LHFPL6: variants seen among roughly 807,000 people sequenced by gnomAD.
LHFPL6 encodes LHFPL tetraspan subfamily member 6 protein.
Under a neutral mutation model 20.6 loss-of-function variants are expected in LHFPL6, and 9 were observed. That is an observed-to-expected ratio of 0.44 (90% CI 0.26 to 0.76). LHFPL6 has a LOEUF of 0.76. Ranked by LOEUF, LHFPL6 falls within the 30% of genes least tolerant of loss-of-function variation. LHFPL6 has a pLI of 0.20. For synonymous variants in LHFPL6, 105 were observed against 98.7 expected, an observed-to-expected ratio of 1.06 and a Z score of -0.38; for missense variants, 218 against 253.5, an observed-to-expected ratio of 0.86 and a Z score of 0.95.
intron 3 of LHFPL6, among the ~76,000 whole-genome samples, chr13:39,366,705 C>A (rs1040162804): frequency 6.6e-6 from 1 of 152,176 alleles, no homozygotes. Context: ...CAGCAGGCAG[C>A]ATGAGCTCCA....
intron 2 of LHFPL6, among the ~76,000 whole-genome samples, chr13:39,532,364 T>C (rs1870493237): frequency 6.6e-6 from 1 of 152,196 alleles, no homozygotes; most frequent in African/African-American, 2.4e-5. Context: ...AACACCAACT[T>C]TTTGACTTAT....
intron 2 of LHFPL6, among the ~76,000 whole-genome samples, chr13:39,545,372 G>T (rs758674353): frequency 4.0e-5 from 6 of 151,408 alleles, no homozygotes; most frequent in Non-Finnish European, 7.4e-5. Flanking sequence ...ATACCATATT[G>T]TGTCCATTCC....
intron 2 of LHFPL6, among the ~76,000 whole-genome samples, chr13:39,481,392 T>C (rs9603547): frequency 0.068 from 10,380 of 152,212 alleles, 543 homozygotes; most frequent in East Asian, 0.19. Context: ...TCTAAATTAA[T>C]AAGATATAAT....
intron 2 of LHFPL6, among the ~76,000 whole-genome samples, chr13:39,541,467 A>T (rs141417423): frequency 9.5e-4 from 145 of 152,286 alleles, no homozygotes; most frequent in African/African-American, 3.0e-3. Flanking sequence ...AACCTGGTGC[A>T]GGGATTGTTC....
At chr13:39,368,078 C>T (rs953598931) in intron 3 of LHFPL6, among the ~76,000 whole-genome samples, 1 of 152,206 alleles carries the variant, frequency 6.6e-6, no homozygotes, top group Non-Finnish European at 1.5e-5. Context: ...GTAACCCCAG[C>T]ACTTTGGGAG....
chr13:39,413,045 A>G (rs772801632), intron 2 of LHFPL6, among the ~76,000 whole-genome samples: 1 of 152,254 alleles, frequency 6.6e-6, no homozygotes, highest in Non-Finnish European at 1.5e-5. Flanking sequence ...ATATCACAGT[A>G]GATTCAAAGA....
intron 3 of LHFPL6, among the ~76,000 whole-genome samples, chr13:39,347,768 T>A (rs563476102): frequency 6.6e-6 from 1 of 152,306 alleles, no homozygotes; most frequent in African/African-American, 2.4e-5. Context: ...TGAGGGGGAA[T>A]TAATTAATAG....
intron 2 of LHFPL6, among the ~76,000 whole-genome samples, chr13:39,545,105 G>T (rs779097046): frequency 6.6e-6 from 1 of 151,816 alleles, no homozygotes; most frequent in Non-Finnish European, 1.5e-5. Flanking sequence ...AATTAGCTGG[G>T]CGTGGGGACG....
At chr13:39,553,548 C>A (rs1365842018) in intron 2 of LHFPL6, among the ~76,000 whole-genome samples, 1 of 150,968 alleles carries the variant, frequency 6.6e-6, no homozygotes, top group Non-Finnish European at 1.5e-5. Flanking sequence ...TTCATCTCTA[C>A]AAAAAAAAAT....
intron 2 of LHFPL6, among the ~76,000 whole-genome samples, chr13:39,499,583 C>T (rs1352575473): frequency 6.6e-6 from 1 of 152,186 alleles, no homozygotes; most frequent in Admixed American, 6.5e-5. Flanking sequence ...TCAGGAGAGA[C>T]GTGAACCTGG....
At chr13:39,439,894 T>C (rs1872068492) in intron 2 of LHFPL6, among the ~76,000 whole-genome samples, 1 of 152,144 alleles carries the variant, frequency 6.6e-6, no homozygotes, top group African/African-American at 2.4e-5. Context: ...GAACTGTGAG[T>C]CAACTAAACC....
At chr13:39,541,544 A>G (rs1870798698) in intron 2 of LHFPL6, among the ~76,000 whole-genome samples, 1 of 152,112 alleles carries the variant, frequency 6.6e-6, no homozygotes, top group South Asian at 2.1e-4. Flanking sequence ...AAATCTTATT[A>G]TCCTTCAGGA....
chr13:39,467,350 T>C (rs1370474303), intron 2 of LHFPL6, among the ~76,000 whole-genome samples: 1 of 152,162 alleles, frequency 6.6e-6, no homozygotes, highest in Non-Finnish European at 1.5e-5. Flanking sequence ...CCCAACTATT[T>C]TCAACATTCA....
chr13:39,349,410 A>G (rs1324064320), intron 3 of LHFPL6, among the ~76,000 whole-genome samples: 2 of 152,054 alleles, frequency 1.3e-5, no homozygotes, highest in Non-Finnish European at 2.9e-5. Context: ...CTGTCATCCA[A>G]CCCTGATTCT....
intron 2 of LHFPL6, among the ~76,000 whole-genome samples, chr13:39,433,804 A>C (rs1871879122): frequency 2.0e-5 from 3 of 152,304 alleles, no homozygotes; most frequent in Middle Eastern, 3.4e-3. Flanking sequence ...ATTCCTATCC[A>C]TCCCACCCTG....
intron 2 of LHFPL6, among the ~76,000 whole-genome samples, chr13:39,536,834 G>T (rs1457629766): frequency 6.6e-6 from 1 of 152,158 alleles, no homozygotes; most frequent in Non-Finnish European, 1.5e-5. Context: ...AAGACCTCAA[G>T]GGCAAATAAT....
At chr13:39,515,259 C>T (rs933127682) in intron 2 of LHFPL6, among the ~76,000 whole-genome samples, 21 of 152,222 alleles carry the variant, frequency 1.4e-4, no homozygotes, top group Non-Finnish European at 2.8e-4. Context: ...AGAAGCAATG[C>T]GCCTTCAGAC....
At chr13:39,559,505 C>T (rs890644593) in intron 2 of LHFPL6, among the ~76,000 whole-genome samples, 2 of 152,158 alleles carry the variant, frequency 1.3e-5, no homozygotes, top group Non-Finnish European at 1.5e-5. Context: ...CGCGGAGCTC[C>T]GTAAGCCCCA....
chr13:39,453,084 A>G (rs1872490878), intron 2 of LHFPL6, among the ~76,000 whole-genome samples: 1 of 152,080 alleles, frequency 6.6e-6, no homozygotes, highest in South Asian at 2.1e-4. Context: ...TGCTGACTTC[A>G]CTCACCTGCA....
Sources: gnomAD v4.1 joint callset for allele counts (sites outside exome capture counted in the v4.1 genomes callset) on GRCh38, gnomAD v4.1.1 for gene constraint, MANE v1.5 for transcripts, NCBI Gene and HGNC (gene_info 2026-07-23, HGNC 2026-07-21) for gene names.